The following GREM2 variants were observed in gnomAD, a reference collection of about 807,000 sequenced individuals.
The protein encoded by GREM2 is gremlin 2, DAN family BMP antagonist, also known as gremlin-2.
Under a neutral mutation model 14.2 loss-of-function variants are expected in GREM2, and 11 were observed. The ratio of observed to expected loss-of-function variants is 0.78; its 90% CI spans 0.49 to 1.28. GREM2 has a LOEUF of 1.28. Among genes scored for constraint, GREM2 ranks in the 50% most tolerant of loss-of-function variants. The pLI is 0.00. For missense variants in GREM2, 210 were observed against 218.5 expected (o/e 0.96, Z 0.24); for synonymous variants, 98 against 97.6 (o/e 1.00, Z -0.02).
intron 1 of GREM2, among the ~76,000 whole-genome samples, chr1:240,574,223 G>A (rs1199523016): frequency 1.3e-5 from 2 of 152,036 alleles, no homozygotes; most frequent in African/African-American, 4.8e-5. Context: ...CCCAGCCTGA[G>A]ATAGGTTTAA....
chr1:240,606,127 G>A (rs1321448949), intron 1 of GREM2, among the ~76,000 whole-genome samples: 1 of 152,174 alleles, frequency 6.6e-6, no homozygotes, highest in African/African-American at 2.4e-5. Context: ...CAGATAAGCA[G>A]CAGTCTCTGA....
chr1:240,497,229 A>G (rs1677445804), intron 1 of GREM2, among the ~76,000 whole-genome samples: 1 of 152,182 alleles, frequency 6.6e-6, no homozygotes, highest in African/African-American at 2.4e-5. Flanking sequence ...CCTGGGCTCA[A>G]GAAGCATTCT....
chr1:240,563,151 GTGTA>G (rs1679103968), intron 1 of GREM2, among the ~76,000 whole-genome samples: 2 of 146,396 alleles, frequency 1.4e-5, no homozygotes, highest in South Asian at 2.1e-4. Flanking sequence ...GTGTGTGAGT[GTGTA>G]TGTGTGTACG....
At chr1:240,582,847 A>G (rs1433006269) in intron 1 of GREM2, among the ~76,000 whole-genome samples, 1 of 151,966 alleles carries the variant, frequency 6.6e-6, no homozygotes, top group Non-Finnish European at 1.5e-5. Context: ...TCTTTGATCC[A>G]AGGAACAAAA....
At chr1:240,600,109 G>C (rs533935751) in intron 1 of GREM2, among the ~76,000 whole-genome samples, 10 of 152,318 alleles carry the variant, frequency 6.6e-5, no homozygotes, top group African/African-American at 2.4e-4. Context: ...GTAGTAGAAA[G>C]AAGGGTAGAC....
intron 1 of GREM2, among the ~76,000 whole-genome samples, chr1:240,521,636 G>A (rs1442244057): frequency 6.6e-6 from 1 of 151,988 alleles, no homozygotes; most frequent in Non-Finnish European, 1.5e-5. Context: ...GCGCAAATGG[G>A]GAAATGGCAG....
intron 1 of GREM2, among the ~76,000 whole-genome samples, chr1:240,558,729 C>T (rs77930192): frequency 6.6e-6 from 1 of 151,934 alleles, no homozygotes; most frequent in African/African-American, 2.4e-5. Context: ...TTGATAAGAA[C>T]CTCAGAGAAC....
intron 1 of GREM2, among the ~76,000 whole-genome samples, chr1:240,495,438 A>G (rs901686668): frequency 1.3e-5 from 2 of 152,232 alleles, no homozygotes. Context: ...TTGAATATTA[A>G]ATATGTTAAA....
At chr1:240,554,520 T>G (rs1433371264) in intron 1 of GREM2, among the ~76,000 whole-genome samples, 1 of 152,140 alleles carries the variant, frequency 6.6e-6, no homozygotes, top group South Asian at 2.1e-4. Context: ...TTGTAATAAC[T>G]GTAGCTTCCA....
intron 1 of GREM2, among the ~76,000 whole-genome samples, chr1:240,498,582 G>A (rs1481454194): frequency 1.3e-5 from 2 of 152,236 alleles, no homozygotes; most frequent in South Asian, 2.1e-4. Flanking sequence ...GAGAACGTCC[G>A]TTCTCTTGCT....
chr1:240,511,585 T>C (rs1301816121), intron 1 of GREM2, among the ~76,000 whole-genome samples: 4 of 152,200 alleles, frequency 2.6e-5, no homozygotes, highest in African/African-American at 9.6e-5. Context: ...ACCCCGTCAC[T>C]ACTAAAAATA....
intron 1 of GREM2, among the ~76,000 whole-genome samples, chr1:240,581,954 A>G (rs1679494337): frequency 6.6e-6 from 1 of 152,256 alleles, no homozygotes; most frequent in Non-Finnish European, 1.5e-5. Context: ...TCTGTAATAC[A>G]GTGGTTCTCA....
In GREM2 at chr1:240,560,117, C is replaced by T. The variant is rs1007101014; in HGVS notation, c.-2+51767G>A. 6.5e-4 allele frequency among the ~76,000 whole-genome samples: 99 copies of T among 152,198 alleles called. 1 individual carries two copies. The highest frequency in any genetic ancestry group is 2.9e-4 in the Non-Finnish European group (20 of 68,022). ...CCTAGGCAACACAGTGAGACTTCAC[C>T]TCATTTATTATTATTATTAAAAAGA... On this transcript the variant is annotated intron_variant, in intron 1 of 1. Transcript: ENST00000318160.
intron 1 of GREM2, among the ~76,000 whole-genome samples, chr1:240,602,809 T>G (rs1679952177): frequency 7.7e-6 from 1 of 130,602 alleles, no homozygotes; most frequent in Non-Finnish European, 1.6e-5. Context: ...GCGAGACTGA[T>G]CTCAAAAAAA....
chr1:240,584,417 C>T (rs1187644816), intron 1 of GREM2, among the ~76,000 whole-genome samples: 7 of 149,238 alleles, frequency 4.7e-5, no homozygotes, highest in African/African-American at 1.7e-4. Flanking sequence ...ATTGTTTTAA[C>T]CCAGGAGGTG....
chr1:240,549,702 T>A (rs559804910), intron 1 of GREM2, among the ~76,000 whole-genome samples: 1 of 152,246 alleles, frequency 6.6e-6, no homozygotes, highest in East Asian at 1.9e-4. Context: ...TACGGTGATG[T>A]GCTTGGAGAC....
chr1:240,494,230 C>A (rs1677352580), intron 1 of GREM2, among the ~76,000 whole-genome samples: 1 of 152,174 alleles, frequency 6.6e-6, no homozygotes, highest in Admixed American at 6.5e-5. Flanking sequence ...GGTATTATGA[C>A]CCCTTTACAG....
chr1:240,540,386 T>C lies in GREM2; in HGVS notation c.-1-46910A>G, dbSNP rs1289400099. The stretch of plus-strand genomic sequence containing the variant: ...GCCAAGTGAAGAAGGGAGAAAAACA[T>C]GGCTAGGACCAAGAAAACAAACAAA... On this transcript the variant is annotated intron_variant, in intron 1 of 1. Transcript: ENST00000318160. This position sits in a 1 kb window ranked among gnomAD's most constrained non-coding sequence, Gnocchi z 4.2. Among the ~76,000 whole-genome samples the C allele has an allele frequency of 6.6e-6, 1 of 152,144 alleles. No homozygotes were observed. The highest frequency in any genetic ancestry group is 1.9e-4 in the East Asian group (1 of 5,182).
At chr1:240,573,931 T>A (rs2103367741) in intron 1 of GREM2, among the ~76,000 whole-genome samples, 1 of 152,228 alleles carries the variant, frequency 6.6e-6, no homozygotes, top group East Asian at 1.9e-4. Context: ...GTTTGTTTTG[T>A]TTTGTTTTGA....
Sources: allele counts gnomAD v4.1 joint callset (sites outside exome capture counted in the v4.1 genomes callset), GRCh38; gene constraint gnomAD v4.1.1; non-coding constraint Gnocchi (gnomAD v3.1); transcripts MANE v1.5; gene names NCBI Gene and HGNC (gene_info 2026-07-23, HGNC 2026-07-21).